The following ATP10B variants were observed in gnomAD, a reference collection of about 807,000 sequenced individuals.
ATP10B encodes the protein ATPase phospholipid transporting 10B (putative).
In ATP10B, 122 loss-of-function variants were observed where a neutral mutation model predicts 141.2. The observed-to-expected ratio is 0.86, with a 90% CI of 0.75 to 1.00. The LOEUF (loss-of-function observed/expected upper bound fraction) is 1.00. Among genes scored for constraint, ATP10B ranks in the 50% least tolerant of loss-of-function variants. The probability of loss-of-function intolerance (pLI) is 0.00; values close to 1 mark genes in which losing one functional copy is unlikely to be tolerated. For synonymous variants in ATP10B, 685 were observed against 692.0 expected (o/e 0.99, Z 0.16); for missense variants, 1,876 against 1,825.3 (o/e 1.03, Z -0.51).
At chr5:160,805,949 C>G (rs1241238098) in intron 1 of ATP10B, among the ~76,000 whole-genome samples, 2 of 152,172 alleles carry the variant, frequency 1.3e-5, no homozygotes, top group African/African-American at 4.8e-5. Context: ...GTTCCAAGCC[C>G]TAAGGCCTCA....
the ATP10B span, among the ~76,000 whole-genome samples, chr5:160,913,005 T>C: frequency 3.3e-5 from 5 of 152,256 alleles, no homozygotes; most frequent in Non-Finnish European, 7.3e-5. Context: ...TACAGAGTAG[T>C]GTCCCAATGT....
chr5:160,858,534 A>G, the ATP10B span, among the ~76,000 whole-genome samples: 1 of 151,952 alleles, frequency 6.6e-6, no homozygotes, highest in African/African-American at 2.4e-5. Flanking sequence ...ACTGGAGGAA[A>G]AAGGCAGGCT....
chr5:160,807,804 C>T lies in ATP10B; in HGVS notation c.-575-22001G>A, dbSNP rs1370073318. ...GAATGCTGTATTCCCTAAAATGCAG[C>T]GATAGCAGAGAAATCTCTTTATGCT... On this transcript the variant is annotated intron_variant, in intron 1 of 25. Coordinates refer to ENST00000327245, the MANE Select transcript of ATP10B (RefSeq NM_025153.3). Among the ~76,000 whole-genome samples, 5 of 152,102 alleles carry T rather than the reference C, an allele frequency of 3.3e-5. No individual in the cohort carries two copies. The East Asian group carries it at 5.8e-4, about 18-fold the overall frequency.
the ATP10B span, among the ~76,000 whole-genome samples, chr5:160,890,470 A>AC: frequency 6.6e-6 from 1 of 152,062 alleles, no homozygotes; most frequent in African/African-American, 2.4e-5. Context: ...GTCCCTGGCA[A>AC]CCACTCAGCT....
At chr5:160,674,431 T>C (rs1581329995) in intron 6 of ATP10B, among the ~76,000 whole-genome samples, 1 of 152,332 alleles carries the variant, frequency 6.6e-6, no homozygotes, top group South Asian at 2.1e-4. Context: ...TGTCAAGTCC[T>C]GTCATGATCT....
intron 3 of ATP10B, among the ~76,000 whole-genome samples, chr5:160,701,955 C>G (rs1038756882): frequency 1.3e-5 from 2 of 150,946 alleles, no homozygotes; most frequent in Non-Finnish European, 3.0e-5. Flanking sequence ...CTCTTGGGAG[C>G]AGTCACTACT....
At chr5:160,654,249 G>A (rs1019393403) in intron 7 of ATP10B, among the ~76,000 whole-genome samples, 2 of 151,826 alleles carry the variant, frequency 1.3e-5, no homozygotes, top group African/African-American at 4.8e-5. Flanking sequence ...ACAGGTGTAA[G>A]CCATCGTGCC....
chr5:160,908,118 G>C, the ATP10B span, among the ~76,000 whole-genome samples: 1 of 152,036 alleles, frequency 6.6e-6, no homozygotes, highest in African/African-American at 2.4e-5. Context: ...GCATTAGCAG[G>C]GCTAGAATTT....
In ATP10B at chr5:160,767,645, C is replaced by CCCCCCCG. The variant is rs1021666988; in HGVS notation, c.-331+17913_-331+17914insCGGGGGG. Among the ~76,000 whole-genome samples, 8 of 134,174 alleles carry CCCCCCCG rather than the reference C, an allele frequency of 6.0e-5. 1 individual carries two copies. Among genetic ancestry groups the CCCCCCCG allele is most frequent in the Non-Finnish European group, 8.2e-5 (5 of 61,308 alleles). The allele number at this position is 134,174 out of a possible 152,430, so 88.0% of individuals were successfully genotyped here. A position where few individuals can be genotyped will look rare whatever the true frequency, so the allele number is the denominator to read the frequency against. ...GGTCATGTGTGCAGAACCCCCCCCC[C>CCCCCCCG]CAAAATAACAGGTTACTCTGACTGG... is the stretch of plus-strand genomic sequence containing the variant. On this transcript the variant is annotated intron_variant, in intron 2 of 25. Coordinates refer to ENST00000327245, the MANE Select transcript of ATP10B (RefSeq NM_025153.3).
chr5:160,766,081 G>A (rs1769383502), intron 2 of ATP10B, among the ~76,000 whole-genome samples: 1 of 152,074 alleles, frequency 6.6e-6, no homozygotes, highest in South Asian at 2.1e-4. Flanking sequence ...GTGGTGAAAA[G>A]GGAACACTTT....
chr5:160,748,033 C>G (rs2078100), intron 2 of ATP10B, among the ~76,000 whole-genome samples: 86,504 of 146,734 alleles, frequency 0.59, 26,070 homozygotes, highest in African/African-American at 0.7. Context: ...GGGGTTGTGG[C>G]GGGGAGCGCA....
Position 160,694,745 on chromosome 5 carries a change from G to C in ATP10B, c.-204-5802C>G, listed in dbSNP as rs556671052. 2.6e-5 allele frequency among the ~76,000 whole-genome samples: 4 copies of C among 152,120 alleles called. No individual in the cohort carries two copies. The South Asian group carries it at 8.3e-4, about 32-fold the overall frequency. Reference sequence around the variant, plus strand: ...ATCAACAAATACTTATTGAATCCTCGTTTATATACCAGGTGAGTAAAACCT... The same window carrying C: ...ATCAACAAATACTTATTGAATCCTCCTTTATATACCAGGTGAGTAAAACCT... On this transcript the variant is annotated intron_variant, in intron 3 of 25. Transcript: ENST00000327245.
chr5:160,644,928 C>G (rs949789230), intron 8 of ATP10B, among the ~76,000 whole-genome samples: 1 of 151,912 alleles, frequency 6.6e-6, no homozygotes, highest in Non-Finnish European at 1.5e-5. Context: ...CCAGCCTGGC[C>G]AACATGGTGA....
chr5:160,805,537 G>A (rs984887356), intron 1 of ATP10B, among the ~76,000 whole-genome samples: 2 of 152,160 alleles, frequency 1.3e-5, no homozygotes, highest in African/African-American at 4.8e-5. Context: ...ACATTTCTGG[G>A]TTACTACACT....
rs945918955 is a variant in ATP10B, at chr5:160,684,759, A to T, written c.470+1320T>A. The T allele has an allele frequency of 2.8e-5, 17 of 614,870 alleles. No homozygotes were observed. The Admixed American group carries it at 4.0e-4, about 14-fold the overall frequency. The allele number at this position is 614,870 out of a possible 1,614,324, so 38.1% of individuals were successfully genotyped here. A position where few individuals can be genotyped will look rare whatever the true frequency, so the allele number is the denominator to read the frequency against. Reference sequence around the variant, plus strand: ...TATCTCCCTACTCCATCCCTTCTACAAACAGTAACTGCAGTGATAGCAGCC... The same window carrying T: ...TATCTCCCTACTCCATCCCTTCTACTAACAGTAACTGCAGTGATAGCAGCC... On this transcript the variant is annotated intron_variant, in intron 6 of 25. Coordinates refer to ENST00000327245, the MANE Select transcript of ATP10B (RefSeq NM_025153.3).
At chr5:160,817,786 G>A (rs1773766410) in intron 1 of ATP10B, among the ~76,000 whole-genome samples, 4 of 152,092 alleles carry the variant, frequency 2.6e-5, no homozygotes, top group African/African-American at 9.7e-5. Flanking sequence ...GCATGGTACT[G>A]GTACCAAAAC....
rs1174257843 is a variant in ATP10B, at chr5:160,617,933, T to A, written c.2457A>T (p.Arg819=). The A allele has an allele frequency of 1.9e-6, 3 of 1,614,094 alleles. No individual in the cohort carries two copies. The South Asian group carries it at 3.3e-5, about 18-fold the overall frequency. Reference sequence around the variant, plus strand: ...AGTCTAGATGCTTTTGGGTCCGGGCTCGGATTTTTCTCAGCTTCTTTTCCA... The same window carrying A: ...AGTCTAGATGCTTTTGGGTCCGGGCACGGATTTTTCTCAGCTTCTTTTCCA... The part of the protein sequence containing the change: ...INMEKKLRKI[R]ARTQKHLDLY... Residue 819 remains arginine (R), a synonymous_variant, in exon 16 of 26, where the codon CGA becomes CGT. Transcript: ENST00000327245.
Position 160,634,541 on chromosome 5 carries a change from C to T in ATP10B, c.1194G>A (p.Leu398=), listed in dbSNP as rs764727513. ...CATCATACAGGTCAAGGTCATTGCTCAAGAAGAACACTTGCCCGAGCTTCA... is the reference window on the plus strand; with the variant it reads ...CATCATACAGGTCAAGGTCATTGCTTAAGAAGAACACTTGCCCGAGCTTCA... ...ELVKLGQVFF[L]SNDLDLYDEE... Residue 398 remains leucine (L), a synonymous_variant, in exon 12 of 26, where the codon TTG becomes TTA. Coordinates refer to ENST00000327245, the MANE Select transcript of ATP10B (RefSeq NM_025153.3). 10 of 1,614,074 alleles carry T rather than the reference C, an allele frequency of 6.2e-6. No homozygotes were observed. In the Admixed American group the frequency reaches 1.7e-4, roughly 27 times the overall value.
rs57796332 is a variant in ATP10B at position 160,783,562 on chromosome 5, T to TACACAC, written c.-331+1991_-331+1996dup. ...TGATATATATATCATATATATATGATACACACACACACACACACACACACA... is the reference window on the plus strand; with the variant it reads ...TGATATATATATCATATATATATGATACACACACACACACACACACACACACACACA... On this transcript the variant is annotated intron_variant, in intron 2 of 25. Transcript: ENST00000327245. Among the ~76,000 whole-genome samples the TACACAC allele has an allele frequency of 9.1e-3, 1,191 of 131,302 alleles. 21 individuals are homozygous for TACACAC. The highest frequency in any genetic ancestry group is 0.024 in the African/African-American group (838 of 35,232). The allele number at this position is 131,302 out of a possible 152,430, so 86.1% of individuals were successfully genotyped here.
Sources: gnomAD v4.1 joint callset for allele counts (sites outside exome capture counted in the v4.1 genomes callset) on GRCh38, gnomAD v4.1.1 for gene constraint, MANE v1.5 for transcripts, NCBI Gene and HGNC (gene_info 2026-07-23, HGNC 2026-07-21) for gene names.